The following PGAP1 variants were observed in gnomAD, a reference collection of about 807,000 sequenced individuals.
The protein encoded by PGAP1 is GPI inositol-deacylase.
A neutral mutation model predicts 127.0 loss-of-function variants in PGAP1; 76 were observed. The observed-to-expected ratio is 0.60, with a 90% confidence interval of 0.50 to 0.72. The LOEUF (loss-of-function observed/expected upper bound fraction) is 0.72. Ranked by LOEUF, PGAP1 falls within the 30% of genes least tolerant of loss-of-function variation. The pLI is 0.00. For missense variants in PGAP1, 982 were observed against 1,071.3 expected, an observed-to-expected ratio of 0.92 and a Z score of 1.16; for synonymous variants, 362 against 366.5, an observed-to-expected ratio of 0.99 and a Z score of 0.14.
At chr2:196,865,657 T>C (rs1243188389) in intron 19 of PGAP1, among the ~76,000 whole-genome samples, 6 of 152,216 alleles carry the variant, frequency 3.9e-5, no homozygotes, top group Non-Finnish European at 5.9e-5. Context: ...TGAGAAAATG[T>C]TAATTGCTTT....
In PGAP1 at chr2:196,875,774, CTGTA is replaced by C. The variant is rs781325598; in HGVS notation, c.1394_1397del (p.Ile465SerfsTer4). On this transcript the variant is annotated frameshift_variant, in exon 14 of 27. Transcript: ENST00000354764. LOFTEE classifies it high-confidence loss of function. ...AGGAAAAAAGATGAGTTACAGGAAG[CTGTA>C]TGTATCTTTTCTCTTTTTTAAAGAA... 6 of 1,542,214 alleles carry C rather than the reference CTGTA, an allele frequency of 3.9e-6. No homozygotes were observed. The Admixed American group carries it at 6.8e-5, about 18-fold the overall frequency.
At position 196,873,742 on chromosome 2, in the gene PGAP1, T is replaced by A; in HGVS notation, c.1443A>T (p.Lys481Asn). The change falls in exon 15 of 27, where the codon AAA becomes AAT. Residue 481 changes from lysine to asparagine, a missense_variant. Coordinates refer to ENST00000354764, the MANE Select transcript of PGAP1 (RefSeq NM_024989.4). ...HLFSFGLSSR[K>N]VVLNTNGLYY... ...ATAGGCCATTTGTATTTAACACCAC[T>A]TTCCTTGAAGACAATCCTGTTGAAT... 1 of 1,610,826 alleles carries A rather than the reference T, an allele frequency of 6.2e-7. No individual in the cohort carries two copies. The highest frequency in any genetic ancestry group is 8.5e-7 in the Non-Finnish European group (1 of 1,177,312).
Position 196,893,147 on chromosome 2 carries a change from G to A in PGAP1, c.1026C>T (p.Asp342=). 1.3e-6 allele frequency: 2 copies of A among 1,572,068 alleles called. No individual in the cohort carries two copies. The highest frequency in any genetic ancestry group is 1.7e-6 in the Non-Finnish European group (2 of 1,143,960). Residue 342 remains aspartate, a synonymous_variant, in exon 8 of 27, where the codon GAC becomes GAT. Transcript: ENST00000354764. ...HFEENPAIIS[D]LTGTSMWVLV... ...TATGTTATTGTCACCAACCTGTTAA[G>A]TCAGAAATTATAGCTGGATTTTCCT...
intron 1 of PGAP1, among the ~76,000 whole-genome samples, chr2:196,925,709 C>T (rs528683817): frequency 6.6e-6 from 1 of 152,198 alleles, no homozygotes; most frequent in Admixed American, 6.5e-5. Flanking sequence ...AAAAATAGCA[C>T]CATGAAATAG....
chr2:196,882,234 C>T (rs1701757059), intron 12 of PGAP1, among the ~76,000 whole-genome samples: 1 of 152,130 alleles, frequency 6.6e-6, no homozygotes. Flanking sequence ...CAGTACCATG[C>T]TGTTTTGGTT....
In PGAP1 at chr2:196,897,272, ATTGTT is replaced by A. The variant is rs1702313047; in HGVS notation, c.861-80_861-76del. On this transcript the variant is annotated intron_variant, in intron 6 of 26. Transcript: ENST00000354764. Reference sequence around the variant, plus strand: ...TTTTGATCAAAATATGCACAATTCTATTGTTTAGTGGAACATTTGAGTTTCCTTTA... The same window carrying A: ...TTTTGATCAAAATATGCACAATTCTATAGTGGAACATTTGAGTTTCCTTTA... 18 of 873,330 alleles carry A rather than the reference ATTGTT, an allele frequency of 2.1e-5. 1 individual carries two copies. The Admixed American group carries it at 5.3e-4, about 26-fold the overall frequency. The allele number at this position is 873,330 out of a possible 1,614,324, so 54.1% of individuals were successfully genotyped here. A position where few individuals can be genotyped will look rare whatever the true frequency, so the allele number is the denominator to read the frequency against.
At chr2:196,898,426 G>C (rs1014592919) in intron 5 of PGAP1, 57 bp from the exon 6 acceptor site, 3 of 1,202,532 alleles carry the variant, frequency 2.5e-6, no homozygotes, top group East Asian at 2.3e-5. Context: ...TCTCTAAAAG[G>C]TATGAAATTC....
At chr2:196,854,072 T>C (rs1700799618) in intron 20 of PGAP1, among the ~76,000 whole-genome samples, 1 of 152,004 alleles carries the variant, frequency 6.6e-6, no homozygotes, top group African/African-American at 2.4e-5. Flanking sequence ...TTATTTTTTA[T>C]TTTTTGTACA....
chr2:196,860,129 A>T (rs1214525286), intron 20 of PGAP1, among the ~76,000 whole-genome samples: 1 of 152,182 alleles, frequency 6.6e-6, no homozygotes, highest in African/African-American at 2.4e-5. Context: ...CTCCACCAAA[A>T]AAAACTGTTA....
At chr2:196,905,769 C>T (rs1191582306) in intron 4 of PGAP1, among the ~76,000 whole-genome samples, 4 of 144,598 alleles carry the variant, frequency 2.8e-5, no homozygotes, top group Non-Finnish European at 6.1e-5. Flanking sequence ...CGAAGCAGGG[C>T]GAGGCATTGC....
chr2:196,841,650 TG>T (rs1027822435), intron 26 of PGAP1, among the ~76,000 whole-genome samples: 148 of 152,308 alleles, frequency 9.7e-4, no homozygotes, highest in African/African-American at 3.3e-3. Context: ...CCCGAGTAGC[TG>T]GGACTACAGG....
chr2:196,872,422 A>G lies in PGAP1; in HGVS notation c.1728+19T>C, dbSNP rs1284337062. ...ATTCTACAACTAAATCTTAAAAATT[A>G]ATCAAACATACAACTTACCTCGTAC... On this transcript the variant is annotated intron_variant, in intron 18 of 26. Transcript: ENST00000354764. 6.7e-7 allele frequency: 1 copy of G among 1,501,724 alleles called. No individual in the cohort carries two copies. The highest frequency in any genetic ancestry group is 1.1e-5 in the South Asian group (1 of 87,146). The allele number at this position is 1,501,724 out of a possible 1,614,324, so 93.0% of individuals were successfully genotyped here.
chr2:196,853,268 A>C (rs1009860828), intron 20 of PGAP1, among the ~76,000 whole-genome samples: 1 of 152,188 alleles, frequency 6.6e-6, no homozygotes, highest in African/African-American at 2.4e-5. Context: ...TTTTTTCTTC[A>C]GTTCTAACTG....
At chr2:196,887,095 T>A (rs1701935326) in intron 10 of PGAP1, among the ~76,000 whole-genome samples, 1 of 152,206 alleles carries the variant, frequency 6.6e-6, no homozygotes, top group Admixed American at 6.5e-5. Flanking sequence ...CATTTTAACA[T>A]ATTCTGTATT....
intron 3 of PGAP1, among the ~76,000 whole-genome samples, chr2:196,914,390 G>T (rs1445554036): frequency 6.6e-6 from 1 of 152,162 alleles, no homozygotes; most frequent in East Asian, 1.9e-4. Flanking sequence ...GGAGGCCAAG[G>T]TAGGTGGATC....
At chr2:196,917,903 A>G (rs1703068142) in intron 2 of PGAP1, among the ~76,000 whole-genome samples, 2 of 151,772 alleles carry the variant, frequency 1.3e-5, no homozygotes, top group South Asian at 2.1e-4. Context: ...ATTCTGAGGA[A>G]CTCCCAAACA....
At chr2:196,847,274 G>T in intron 21 of PGAP1, 74 bp from the exon 22 acceptor site, 1 of 1,111,122 alleles carries the variant, frequency 9.0e-7, no homozygotes, top group Non-Finnish European at 1.3e-6. Flanking sequence ...TGAGGTGTCT[G>T]ACTATTCAAG....
rs551337500 is a variant in PGAP1, at chr2:196,834,889, C to T, written c.*6345G>A. 1 of 152,040 alleles carries T rather than the reference C, an allele frequency of 6.6e-6. No individual in the cohort carries two copies. The highest frequency in any genetic ancestry group is 2.4e-5 in the African/African-American group (1 of 41,540). The allele number at this position is 152,040 out of a possible 1,614,324, so 9.4% of individuals were successfully genotyped here. ...TACACTATCTTTTTACTAATAACAC[C>T]TATGGTCCCCATTAGAATAAACTGT... On this transcript the variant is annotated 3_prime_UTR_variant, in exon 27 of 27. Coordinates refer to ENST00000354764, the MANE Select transcript of PGAP1 (RefSeq NM_024989.4).
At chr2:196,859,469 CA>C (rs962248388) in intron 20 of PGAP1, among the ~76,000 whole-genome samples, 4 of 149,234 alleles carry the variant, frequency 2.7e-5, no homozygotes, top group African/African-American at 7.4e-5. Flanking sequence ...GTCAATATTC[CA>C]AAAAAAAACA....
Sources: gnomAD v4.1 joint callset for allele counts (sites outside exome capture counted in the v4.1 genomes callset) on GRCh38, gnomAD v4.1.1 for gene constraint, MANE v1.5 for transcripts, NCBI Gene and HGNC (gene_info 2026-07-23, HGNC 2026-07-21) for gene names.